AKAP6: variants seen among roughly 807,000 people sequenced by gnomAD.
AKAP6 encodes A-kinase anchor protein 6.
In AKAP6, 58 loss-of-function variants were observed where a neutral mutation model predicts 188.5. The observed-to-expected ratio is 0.31, with a 90% CI of 0.25 to 0.38. The LOEUF (loss-of-function observed/expected upper bound fraction) is 0.38. Among genes scored for constraint, AKAP6 ranks in the 10% least tolerant of loss-of-function variants. The probability of loss-of-function intolerance (pLI) is 1.00; values close to 1 mark genes in which losing one functional copy is unlikely to be tolerated. For synonymous variants in AKAP6, 989 were observed against 998.6 expected (o/e 0.99, Z 0.18); for missense variants, 2,710 against 2,740.0 (o/e 0.99, Z 0.24).
At chr14:32,449,005 A>G (rs1210652057) in intron 2 of AKAP6, among the ~76,000 whole-genome samples, 1 of 152,210 alleles carries the variant, frequency 6.6e-6, no homozygotes, top group African/African-American at 2.4e-5. Flanking sequence ...CCTCACATAC[A>G]TGAGCATCAG....
intron 8 of AKAP6, among the ~76,000 whole-genome samples, chr14:32,689,511 T>C (rs1327855179): frequency 6.6e-6 from 1 of 152,192 alleles, no homozygotes; most frequent in Admixed American, 6.5e-5. Context: ...TATTTATTAA[T>C]GGCAAAGGCA....
intron 12 of AKAP6, among the ~76,000 whole-genome samples, chr14:32,784,313 T>C (rs890532412): frequency 1.3e-5 from 2 of 152,116 alleles, no homozygotes; most frequent in Non-Finnish European, 2.9e-5. Context: ...TTTATGGAAT[T>C]TGTAGTAAGA....
At chr14:32,808,561 A>G (rs1450986907) in intron 12 of AKAP6, among the ~76,000 whole-genome samples, 1 of 152,228 alleles carries the variant, frequency 6.6e-6, no homozygotes, top group Non-Finnish European at 1.5e-5. Flanking sequence ...GCAAAAGTAG[A>G]GAATATTAAG....
intron 9 of AKAP6, among the ~76,000 whole-genome samples, chr14:32,719,729 A>G (rs147656231): frequency 9.1e-4 from 139 of 152,326 alleles, no homozygotes; most frequent in African/African-American, 3.2e-3. Flanking sequence ...ATATGCATGT[A>G]TGAATTTTAT....
intron 4 of AKAP6, among the ~76,000 whole-genome samples, chr14:32,572,431 C>T (rs1465219600): frequency 6.6e-6 from 1 of 152,218 alleles, no homozygotes; most frequent in Non-Finnish European, 1.5e-5. Context: ...ATCTTGTTTT[C>T]CATTATGTGG....
At chr14:32,436,931 A>C (rs1419282590) in intron 2 of AKAP6, among the ~76,000 whole-genome samples, 1 of 152,132 alleles carries the variant, frequency 6.6e-6, no homozygotes, top group Non-Finnish European at 1.5e-5. Flanking sequence ...GTCTCAAAAA[A>C]CTAAAGTAAT....
chr14:32,795,947 A>C (rs2033756220), intron 12 of AKAP6, among the ~76,000 whole-genome samples: 1 of 152,250 alleles, frequency 6.6e-6, no homozygotes, highest in African/African-American at 2.4e-5. Context: ...CAGGATACAA[A>C]ATCAATTTGC....
chr14:32,434,163 A>T (rs1008076869), intron 2 of AKAP6, among the ~76,000 whole-genome samples: 2 of 152,210 alleles, frequency 1.3e-5, no homozygotes, highest in Admixed American at 6.5e-5. Flanking sequence ...GTAAAATATC[A>T]AATGCAGCTG....
intron 5 of AKAP6, among the ~76,000 whole-genome samples, chr14:32,584,119 G>A (rs891136234): frequency 2.0e-5 from 3 of 152,186 alleles, no homozygotes; most frequent in Non-Finnish European, 4.4e-5. Flanking sequence ...GGCCATCTTG[G>A]CTGCTACCCA....
At position 32,535,545 on chromosome 14, in the gene AKAP6, T is replaced by G; in HGVS notation, c.325-9T>G. 1 of 1,608,992 alleles carries G rather than the reference T, an allele frequency of 6.2e-7. No individual in the cohort carries two copies. The highest frequency in any genetic ancestry group is 1.1e-5 in the South Asian group (1 of 90,662). ...TAGTCCTCACATATGTTGCTTTTCT[T>G]TACTGCAGGACATTTGTGAAGATAT... On this transcript the variant is annotated splice_polypyrimidine_tract_variant and intron_variant, in intron 2 of 13. Coordinates refer to ENST00000280979, the MANE Select transcript of AKAP6 (RefSeq NM_004274.5).
chr14:32,708,869 A>G (rs1375490158), intron 9 of AKAP6, among the ~76,000 whole-genome samples: 1 of 151,860 alleles, frequency 6.6e-6, no homozygotes, highest in African/African-American at 2.4e-5. Flanking sequence ...ATGCATGATA[A>G]ACATTCCTGT....
chr14:32,657,742 G>A (rs1888514402), intron 7 of AKAP6, among the ~76,000 whole-genome samples: 1 of 151,046 alleles, frequency 6.6e-6, no homozygotes, highest in South Asian at 2.1e-4. Flanking sequence ...ATTTTATCAT[G>A]TCTTGGGATA....
intron 7 of AKAP6, among the ~76,000 whole-genome samples, chr14:32,633,764 T>C (rs1253382546): frequency 1.3e-5 from 2 of 152,046 alleles, no homozygotes; most frequent in Non-Finnish European, 2.9e-5. Context: ...GCCTCTAACA[T>C]TGGAGGGTTG....
At chr14:32,368,155 C>T (rs983410242) in intron 1 of AKAP6, among the ~76,000 whole-genome samples, 10 of 152,278 alleles carry the variant, frequency 6.6e-5, no homozygotes, top group East Asian at 5.8e-4. Flanking sequence ...TATTAATCCT[C>T]CTGATTGCTT....
intron 1 of AKAP6, among the ~76,000 whole-genome samples, chr14:32,372,787 TG>T: frequency 1.3e-5 from 2 of 151,816 alleles, no homozygotes; most frequent in South Asian, 4.2e-4. Context: ...TGTGTGTGTG[TG>T]TGTGTGTGTG....
chr14:32,535,534 G>A lies in AKAP6; in HGVS notation c.325-20G>A. On this transcript the variant is annotated intron_variant, in intron 2 of 13. Coordinates refer to ENST00000280979, the MANE Select transcript of AKAP6 (RefSeq NM_004274.5). ...ATAAGGCAAAGTAGTCCTCACATAT[G>A]TTGCTTTTCTTTACTGCAGGACATT... The A allele has an allele frequency of 6.2e-7, 1 of 1,605,978 alleles. No homozygotes were observed. Among genetic ancestry groups the A allele is most frequent in the South Asian group, 1.1e-5 (1 of 90,044 alleles).
intron 7 of AKAP6, among the ~76,000 whole-genome samples, chr14:32,670,234 C>T (rs1276574595): frequency 2.0e-5 from 3 of 152,016 alleles, no homozygotes; most frequent in East Asian, 3.9e-4. Flanking sequence ...GATTAAATTA[C>T]ATCCCACTGG....
At chr14:32,699,910 G>A (rs970117657) in intron 9 of AKAP6, among the ~76,000 whole-genome samples, 4 of 152,148 alleles carry the variant, frequency 2.6e-5, no homozygotes, top group Admixed American at 6.5e-5. Flanking sequence ...GAGTTACGAC[G>A]CCAGAATTCA....
intron 12 of AKAP6, among the ~76,000 whole-genome samples, chr14:32,792,527 A>G (rs2033641202): frequency 6.6e-6 from 1 of 152,124 alleles, no homozygotes; most frequent in Non-Finnish European, 1.5e-5. Context: ...GGCTGAGACG[A>G]TGGGGTTTTC....
Sources: allele counts gnomAD v4.1 joint callset (sites outside exome capture counted in the v4.1 genomes callset), GRCh38; gene constraint gnomAD v4.1.1; transcripts MANE v1.5; gene names NCBI Gene and HGNC (gene_info 2026-07-23, HGNC 2026-07-21).